The following RUFY3 variants were observed in gnomAD, a reference collection of about 807,000 sequenced individuals.
RUFY3 encodes RUN and FYVE domain containing 3.
Under a neutral mutation model 84.0 loss-of-function variants are expected in RUFY3, and 34 were observed. The ratio of observed to expected loss-of-function variants is 0.40; its 90% CI spans 0.31 to 0.54. The LOEUF (loss-of-function observed/expected upper bound fraction) is 0.54, where lower values mean the gene tolerates loss of function less well. Among genes scored for constraint, RUFY3 ranks in the 20% least tolerant of loss-of-function variants. RUFY3 has a pLI of 0.39. For missense variants in RUFY3, 507 were observed against 736.8 expected (o/e 0.69, Z 3.61); for synonymous variants, 242 against 252.9 (o/e 0.96, Z 0.41).
chr4:70,704,818 T>A, exon 1 of RUFY3: 4 of 622,194 alleles, frequency 6.4e-6, no homozygotes, highest in Non-Finnish European at 9.0e-6. Context: ...AGAAGAAAGG[T>A]GGCGGTGGCG....
At chr4:70,729,682 G>A (rs1718895541) in intron 1 of RUFY3, among the ~76,000 whole-genome samples, 1 of 152,290 alleles carries the variant, frequency 6.6e-6, no homozygotes, top group Non-Finnish European at 1.5e-5. Context: ...TATTCATGAA[G>A]CAGTAGCTGA....
intron 1 of RUFY3, among the ~76,000 whole-genome samples, chr4:70,730,343 G>A (rs370487266): frequency 1.3e-5 from 2 of 152,184 alleles, no homozygotes; most frequent in East Asian, 1.9e-4. Flanking sequence ...GTTACTTTCC[G>A]CTAGGAATTA....
In RUFY3 at chr4:70,806,493, C is replaced by T. The variant is rs750737607; in HGVS notation, c.1720-23C>T. 35 of 1,612,928 alleles carry T rather than the reference C, an allele frequency of 2.2e-5. No homozygotes were observed. In the South Asian group the frequency reaches 3.2e-4, roughly 15 times the overall value. On this transcript the variant is annotated intron_variant, in intron 17 of 17. Transcript: ENST00000381006. The stretch of plus-strand genomic sequence containing the variant: ...TATGCCTTGCTCATCTTCTATTCCC[C>T]GCCTAACCTCCTCTTCTCATAGAAT...
At chr4:70,726,493 C>T (rs1718264253) in intron 1 of RUFY3, among the ~76,000 whole-genome samples, 2 of 152,280 alleles carry the variant, frequency 1.3e-5, no homozygotes, top group South Asian at 2.1e-4. Context: ...ACTCTCCAGA[C>T]TCCCCAAGTA....
chr4:70,719,300 T>C (rs1178536905), upstream of RUFY3, among the ~76,000 whole-genome samples: 2 of 152,200 alleles, frequency 1.3e-5, no homozygotes, highest in African/African-American at 2.4e-5. Flanking sequence ...GTCCTCTACC[T>C]GGAGAGAGGC....
At chr4:70,728,190 G>A (rs1298130776) in intron 1 of RUFY3, among the ~76,000 whole-genome samples, 1 of 152,136 alleles carries the variant, frequency 6.6e-6, no homozygotes, top group Non-Finnish European at 1.5e-5. Context: ...AGCCTCTCTT[G>A]CCTTAAACAT....
At chr4:70,796,205 T>TA (rs1023749822) in intron 14 of RUFY3, among the ~76,000 whole-genome samples, 34 of 151,800 alleles carry the variant, frequency 2.2e-4, no homozygotes, top group Admixed American at 7.9e-4. Flanking sequence ...TCCCCAAAAA[T>TA]AAAAAAAATT....
At chr4:70,725,921 G>A (rs1025847788) in intron 1 of RUFY3, among the ~76,000 whole-genome samples, 1 of 152,182 alleles carries the variant, frequency 6.6e-6, no homozygotes, top group African/African-American at 2.4e-5. Context: ...GGGCTTGACT[G>A]TAGAAATCTT....
chr4:70,705,783 G>T (rs1017980776), intron 1 of RUFY3, among the ~76,000 whole-genome samples: 2 of 152,214 alleles, frequency 1.3e-5, no homozygotes. Context: ...AGTAGGTGTG[G>T]CTGCTGCGCC....
chr4:70,719,222 G>A (rs1741996286), upstream of RUFY3, among the ~76,000 whole-genome samples: 1 of 152,150 alleles, frequency 6.6e-6, no homozygotes, highest in African/African-American at 2.4e-5. Flanking sequence ...GAAATTCAAG[G>A]ATACCAATAC....
chr4:70,713,230 C>T (rs1741187590), intron 1 of RUFY3, among the ~76,000 whole-genome samples: 3 of 152,112 alleles, frequency 2.0e-5, no homozygotes, highest in Non-Finnish European at 4.4e-5. Flanking sequence ...GCCATGTTGG[C>T]CAGGCTGGTC....
At chr4:70,775,302 C>A in intron 7 of RUFY3, 69 bp downstream of exon 7, 1 of 1,044,076 alleles carries the variant, frequency 9.6e-7, no homozygotes. Context: ...TAAGATGATG[C>A]GCAGTGAGGA....
intron 14 of RUFY3, among the ~76,000 whole-genome samples, chr4:70,797,879 G>A (rs1012085073): frequency 4.6e-5 from 7 of 152,168 alleles, no homozygotes; most frequent in African/African-American, 1.4e-4. Flanking sequence ...AACACTCTGT[G>A]TAGCATGCTA....
rs139588067 is a variant in RUFY3 at position 70,722,588 on chromosome 4, G to A, written c.15G>A (p.Thr5=). 3.0e-5 allele frequency: 48 copies of A among 1,612,772 alleles called. No homozygotes were observed. The highest frequency in any genetic ancestry group is 3.9e-5 in the Non-Finnish European group (46 of 1,179,758). MSAL[T]PPTDMPTPTT... ...GCTGAGTCATCATGTCTGCTCTGACGCCTCCGACCGATATGCCAACCCCCA... is the reference window on the plus strand; with the variant it reads ...GCTGAGTCATCATGTCTGCTCTGACACCTCCGACCGATATGCCAACCCCCA... The change falls in exon 1 of 18, where the codon ACG becomes ACA. Residue 5 remains threonine, a synonymous_variant. Transcript: ENST00000381006.
intron 1 of RUFY3, among the ~76,000 whole-genome samples, chr4:70,711,239 A>G (rs933773242): frequency 1.3e-5 from 2 of 152,046 alleles, no homozygotes; most frequent in African/African-American, 4.8e-5. Context: ...GATTACAGGC[A>G]TGAACCACCA....
chr4:70,789,351 CT>C (rs1050991986), intron 11 of RUFY3, 143 bp from the exon 12 acceptor site: 40 of 831,994 alleles, frequency 4.8e-5, no homozygotes, highest in South Asian at 2.9e-4. Context: ...AGATAAATTG[CT>C]TTTTTTTCCA....
In RUFY3 at chr4:70,792,409, G is replaced by C. The variant is rs1039634421; in HGVS notation, c.1338-1376G>C. 1.6e-5 allele frequency: 16 copies of C among 978,850 alleles called. No homozygotes were observed. The Admixed American group carries it at 4.3e-4, about 26-fold the overall frequency. The allele number at this position is 978,850 out of a possible 1,614,324, so 60.6% of individuals were successfully genotyped here. A position where few individuals can be genotyped will look rare whatever the true frequency, so the allele number is the denominator to read the frequency against. Reference sequence around the variant, plus strand: ...TTAGTACAAAAATAGATTCCCAGTAGATATCCACAAGCAATATTAGCAGGG... The same window carrying C: ...TTAGTACAAAAATAGATTCCCAGTACATATCCACAAGCAATATTAGCAGGG... On this transcript the variant is annotated intron_variant, in intron 12 of 17. Coordinates refer to ENST00000381006, the MANE Select transcript of RUFY3 (RefSeq NM_001037442.4).
At chr4:70,728,185 C>T (rs1200066503) in intron 1 of RUFY3, among the ~76,000 whole-genome samples, 3 of 152,202 alleles carry the variant, frequency 2.0e-5, no homozygotes, top group Non-Finnish European at 4.4e-5. Flanking sequence ...AGCTTAGCCT[C>T]TCTTGCCTTA....
chr4:70,761,521 C>G (rs1015674115), intron 1 of RUFY3, among the ~76,000 whole-genome samples: 2 of 152,146 alleles, frequency 1.3e-5, no homozygotes, highest in Non-Finnish European at 2.9e-5. Context: ...CTCTCTAAGT[C>G]TCATTTTCCT....
Sources: allele counts gnomAD v4.1 joint callset (sites outside exome capture counted in the v4.1 genomes callset), GRCh38; gene constraint gnomAD v4.1.1; transcripts MANE v1.5; gene names NCBI Gene and HGNC (gene_info 2026-07-23, HGNC 2026-07-21).